The following SLC12A3 variants were observed in gnomAD, a reference collection of about 807,000 sequenced individuals.
SLC12A3 encodes solute carrier family 12 member 3, also known as Na-Cl cotransporter.
In SLC12A3, 104 loss-of-function variants were observed where a neutral mutation model predicts 121.0. The observed-to-expected ratio is 0.86, with a 90% CI of 0.73 to 1.01. The LOEUF (loss-of-function observed/expected upper bound fraction) is 1.01. Ranked by LOEUF, SLC12A3 falls within the 50% of genes least tolerant of loss-of-function variation. The pLI, the probability that SLC12A3 is intolerant of heterozygous loss-of-function variation, is 0.00. For missense variants in SLC12A3, 1,328 were observed against 1,356.3 expected, an observed-to-expected ratio of 0.98 and a Z score of 0.33; for synonymous variants, 536 against 533.4, an observed-to-expected ratio of 1.00 and a Z score of -0.07.
At chr16:56,871,791 C>T (rs2055100621) in intron 6 of SLC12A3, among the ~76,000 whole-genome samples, 1 of 152,100 alleles carries the variant, frequency 6.6e-6, no homozygotes, top group South Asian at 2.1e-4. Context: ...GGCGTGATCT[C>T]GGCTCACTGC....
chr16:56,887,210 C>A, intron 17 of SLC12A3, 117 bp downstream of exon 17: 3 of 1,076,728 alleles, frequency 2.8e-6, no homozygotes, highest in South Asian at 3.3e-5. Context: ...GGAGCCCCAA[C>A]TTTTTTTTTT....
intron 25 of SLC12A3, among the ~76,000 whole-genome samples, chr16:56,909,618 A>G (rs1460872099): frequency 6.6e-6 from 1 of 152,150 alleles, no homozygotes; most frequent in East Asian, 1.9e-4. Context: ...CCGGGAGGAC[A>G]GAGCAGCTGC....
At chr16:56,868,631 C>G (rs1245787367) in intron 3 of SLC12A3, among the ~76,000 whole-genome samples, 1 of 152,206 alleles carries the variant, frequency 6.6e-6, no homozygotes, top group Non-Finnish European at 1.5e-5. Context: ...CACTTAACCT[C>G]TCAGAGCCCA....
At chr16:56,874,333 C>G (rs1214487748) in intron 8 of SLC12A3, among the ~76,000 whole-genome samples, 2 of 152,218 alleles carry the variant, frequency 1.3e-5, no homozygotes, top group Non-Finnish European at 2.9e-5. Context: ...GGCGCCAGAG[C>G]TGGGCTTTGA....
chr16:56,888,659 C>T (rs185880300), intron 18 of SLC12A3, among the ~76,000 whole-genome samples: 14 of 143,980 alleles, frequency 9.7e-5, no homozygotes, highest in East Asian at 2.2e-4. Flanking sequence ...CCCGGGTTCA[C>T]GCCATTCTCC....
chr16:56,879,511 C>T (rs375031856), intron 10 of SLC12A3, 31 bp from the exon 11 acceptor site: 19 of 1,555,720 alleles, frequency 1.2e-5, no homozygotes, highest in Middle Eastern at 1.7e-4. Flanking sequence ...CAGCCCCCAC[C>T]GTGGAGTCCC....
Position 56,913,786 on chromosome 16 carries a change from G to A in SLC12A3, c.*381G>A, listed in dbSNP as rs1567453238. 2 of 327,116 alleles carry A rather than the reference G, an allele frequency of 6.1e-6. No individual in the cohort carries two copies. Among genetic ancestry groups the A allele is most frequent in the African/African-American group, 2.2e-5 (1 of 46,316 alleles). 20.3% of individuals were successfully genotyped at this position (327,116 alleles called of 1,614,324 possible). A position where few individuals can be genotyped will look rare whatever the true frequency, so the allele number is the denominator to read the frequency against. On this transcript the variant is annotated 3_prime_UTR_variant, in exon 26 of 26. Transcript: ENST00000563236. The stretch of plus-strand genomic sequence containing the variant: ...TTGACAGTTTCTACAGACCTTCCTG[G>A]GTGAAAGTTCCTAAATCATGCCCTG...
At chr16:56,879,460 C>A in intron 10 of SLC12A3, 82 bp from the exon 11 acceptor site, 1 of 1,239,236 alleles carries the variant, frequency 8.1e-7, no homozygotes, top group Non-Finnish European at 1.2e-6. Flanking sequence ...AGCCCCTGCC[C>A]GCAGTAGGGA....
At chr16:56,866,946 C>A (rs1964368436) in intron 1 of SLC12A3, 124 bp from the exon 2 acceptor site, 1 of 1,299,442 alleles carries the variant, frequency 7.7e-7, no homozygotes, top group Non-Finnish European at 1.1e-6. Context: ...AGCTCAACAC[C>A]CAGTGGGCTG....
chr16:56,874,923 C>T (rs976810875), intron 8 of SLC12A3, among the ~76,000 whole-genome samples: 4 of 152,180 alleles, frequency 2.6e-5, no homozygotes, highest in Non-Finnish European at 5.9e-5. Flanking sequence ...GGAGAACAGC[C>T]GTTGGTTTGG....
intron 9 of SLC12A3, 109 bp downstream of exon 9, chr16:56,878,270 TAAC>T: frequency 4.8e-6 from 4 of 837,868 alleles, no homozygotes; most frequent in Non-Finnish European, 8.0e-6. Context: ...TTCGACTCTC[TAAC>T]AACAGGGAGA....
chr16:56,867,617 C>T (rs1964390448), intron 2 of SLC12A3, among the ~76,000 whole-genome samples: 1 of 152,172 alleles, frequency 6.6e-6, no homozygotes, highest in Non-Finnish European at 1.5e-5. Flanking sequence ...AGCCCTGCTC[C>T]GGGAGGCAGG....
chr16:56,887,045 G>A lies in SLC12A3; in HGVS notation c.2130G>A (p.Ser710=), dbSNP rs761908136. 20 of 1,613,892 alleles carry A rather than the reference G, an allele frequency of 1.2e-5. No homozygotes were observed. The highest frequency in any genetic ancestry group is 2.7e-5 in the African/African-American group (2 of 74,924). Residue 710 remains serine, a synonymous_variant, in exon 17 of 26, where the codon TCG becomes TCA. Transcript: ENST00000563236. ...LNKRKIKAFY[S]DVIAEDLRRG... ...AGAGGAAGATCAAGGCCTTCTACTC[G>A]GATGTCATTGCCGAGGACCTCCGCA...
chr16:56,885,161 G>A lies in SLC12A3; in HGVS notation c.1826-104G>A, dbSNP rs11076172. On this transcript the variant is annotated intron_variant, in intron 14 of 25. Transcript: ENST00000563236. Reference sequence around the variant, plus strand: ...GGTGGCCCTGCTCCCACGGGTGCCCGGTGCCTAGAGAAGGCCGACATTACC... The same window carrying A: ...GGTGGCCCTGCTCCCACGGGTGCCCAGTGCCTAGAGAAGGCCGACATTACC... 0.2 allele frequency: 160,842 copies of A among 785,628 alleles called. 17,542 individuals carry two copies. The highest frequency in any genetic ancestry group is 0.25 in the Middle Eastern group (1,117 of 4,520). 48.7% of individuals were successfully genotyped at this position (785,628 alleles called of 1,614,324 possible). A position where few individuals can be genotyped will look rare whatever the true frequency, so the allele number is the denominator to read the frequency against.
In SLC12A3 at chr16:56,880,149, T is replaced by G. The variant is rs1486396795; in HGVS notation, c.1463T>G (p.Leu488Arg). 1.2e-6 allele frequency: 2 copies of G among 1,607,486 alleles called. No individual in the cohort carries two copies. The highest frequency in any genetic ancestry group is 1.7e-6 in the Non-Finnish European group (2 of 1,177,904). Residue 488 changes from leucine (L) to arginine (R), a missense_variant, in exon 12 of 26, where the codon CTG becomes CGG. Transcript: ENST00000563236. Reference protein sequence around the residue: ...KVFQCLCEDQLYPLIGFFGKG... With the variant: ...KVFQCLCEDQRYPLIGFFGKG... Reference sequence around the variant, plus strand: ...CTGCAGTGCCTTTGCGAGGACCAGCTGTACCCACTGATCGGCTTCTTCGGC... The same window carrying G: ...CTGCAGTGCCTTTGCGAGGACCAGCGGTACCCACTGATCGGCTTCTTCGGC...
At position 56,879,565 on chromosome 16, in the gene SLC12A3, C is replaced by T. The variant is rs763807042; in HGVS notation, c.1359C>T (p.Phe453=). 24 of 1,613,624 alleles carry T rather than the reference C, an allele frequency of 1.5e-5. No homozygotes were observed. Among genetic ancestry groups the T allele is most frequent in the African/African-American group, 4.0e-5 (3 of 74,884 alleles). ...AGACCATGAGCATGGTGTCAGGCTT[C>T]GCGCCCCTGATCACGGCTGGCATCT... ...YYQTMSMVSG[F]APLITAGIFG... is the part of the protein sequence containing the mutation. Residue 453 remains phenylalanine (F), a synonymous_variant, in exon 11 of 26, where the codon TTC becomes TTT. Coordinates refer to ENST00000563236, the MANE Select transcript of SLC12A3 (RefSeq NM_001126108.2).
At chr16:56,891,996 T>A in intron 19 of SLC12A3, 87 bp from the exon 20 acceptor site, 2 of 1,015,670 alleles carry the variant, frequency 2.0e-6, no homozygotes, top group Non-Finnish European at 3.1e-6. Context: ...ACTTTCTTCC[T>A]AGCATTAAGG....
In SLC12A3 at chr16:56,915,670, A is replaced by G. The variant is rs1183229251; in HGVS notation, c.*2265A>G. ...CAATTTTCTGGTTCTTCAAACCTCA[A>G]AGAGTCCTTGGTCCAAAAAACAGAA... On this transcript the variant is annotated 3_prime_UTR_variant, in exon 26 of 26. Transcript: ENST00000563236. The G allele has an allele frequency of 6.6e-6, 1 of 152,230 alleles. No homozygotes were observed. Among genetic ancestry groups the G allele is most frequent in the Non-Finnish European group, 1.5e-5 (1 of 68,042 alleles). The allele number at this position is 152,230 out of a possible 1,614,324, so 9.4% of individuals were successfully genotyped here. A position where few individuals can be genotyped will look rare whatever the true frequency, so the allele number is the denominator to read the frequency against.
chr16:56,902,310 C>A, intron 23 of SLC12A3, 63 bp from the exon 24 acceptor site: 6 of 1,603,136 alleles, frequency 3.7e-6, no homozygotes, highest in Non-Finnish European at 4.3e-6. Context: ...CCCGCAGGGA[C>A]CTGGCACCCC....
Sources: allele counts gnomAD v4.1 joint callset (sites outside exome capture counted in the v4.1 genomes callset), GRCh38; gene constraint gnomAD v4.1.1; transcripts MANE v1.5; gene names NCBI Gene and HGNC (gene_info 2026-07-23, HGNC 2026-07-21).